The following ANO4 variants were observed in gnomAD, a reference collection of about 807,000 sequenced individuals.
ANO4 encodes anoctamin-4.
A neutral mutation model predicts 141.9 loss-of-function variants in ANO4; 69 were observed. The observed-to-expected ratio is 0.49, with a 90% CI of 0.40 to 0.59. ANO4 has a LOEUF of 0.59. ANO4 is among the 20% of genes least tolerant of loss of function. The probability of loss-of-function intolerance (pLI) is 0.00; values close to 1 mark genes in which losing one functional copy is unlikely to be tolerated. For missense variants in ANO4, 894 were observed against 1,162.2 expected, an observed-to-expected ratio of 0.77 and a Z score of 3.36; for synonymous variants, 350 against 394.3, an observed-to-expected ratio of 0.89 and a Z score of 1.33.
chr12:100,820,905 G>A (rs892141667), intron 1 of ANO4, among the ~76,000 whole-genome samples: 1 of 151,978 alleles, frequency 6.6e-6, no homozygotes, highest in Non-Finnish European at 1.5e-5. Flanking sequence ...TGCAAAGTCC[G>A]GTGATTTGCA....
intron 5 of ANO4, among the ~76,000 whole-genome samples, chr12:100,949,526 TTCA>T (rs1249325722): frequency 2.0e-5 from 3 of 152,212 alleles, no homozygotes; most frequent in Non-Finnish European, 4.4e-5. Flanking sequence ...TTTAGTAAAC[TTCA>T]TTATTATCAT....
chr12:100,728,914 C>T (rs1034927848), intron 1 of ANO4, among the ~76,000 whole-genome samples: 5 of 152,140 alleles, frequency 3.3e-5, no homozygotes, highest in Admixed American at 2.0e-4. Flanking sequence ...GCCACCACCT[C>T]GGTTAAGAAA....
At chr12:100,971,271 A>G in intron 5 of ANO4, 35 bp from the exon 6 acceptor site, 1 of 1,477,320 alleles carries the variant, frequency 6.8e-7, no homozygotes, top group Non-Finnish European at 9.4e-7. Flanking sequence ...AGCCTTGAAT[A>G]TACTTTTCAA....
At position 100,778,031 on chromosome 12, in the gene ANO4, T is replaced by G. The variant is rs533014132; in HGVS notation, c.358+37926T>G. ...GCCTCCCGGGTTCACACCATTCTCC[T>G]GCCTCAGCCTCCCGAGTAGCTGGGA... On this transcript the variant is annotated intron_variant, in intron 3 of 29. Coordinates refer to the ANO4 transcript ENST00000644049. Among the ~76,000 whole-genome samples, 544 of 151,900 alleles carry G rather than the reference T, an allele frequency of 3.6e-3. 3 individuals carry two copies. The highest frequency in any genetic ancestry group is 0.013 in the African/African-American group (521 of 41,410).
At chr12:100,757,724 C>G (rs1009075510) in intron 3 of ANO4, among the ~76,000 whole-genome samples, 2 of 152,180 alleles carry the variant, frequency 1.3e-5, no homozygotes, top group African/African-American at 2.4e-5. Flanking sequence ...GTTCTTTGTT[C>G]TTCTTTATAA....
At chr12:100,765,690 C>CA (rs749550498) in intron 3 of ANO4, among the ~76,000 whole-genome samples, 13,988 of 119,786 alleles carry the variant, frequency 0.12, 1,310 homozygotes, top group African/African-American at 0.28. Context: ...TTTATGTTTT[C>CA]AAAAAAAAAA....
At chr12:100,838,930 A>G (rs538698560) in intron 1 of ANO4, among the ~76,000 whole-genome samples, 25 of 152,182 alleles carry the variant, frequency 1.6e-4, no homozygotes, top group Non-Finnish European at 3.1e-4. Context: ...AGCAAGTCCA[A>G]TGGGCAGTAT....
At chr12:100,872,413 C>A (rs964935037) in intron 1 of ANO4, among the ~76,000 whole-genome samples, 1 of 152,052 alleles carries the variant, frequency 6.6e-6, no homozygotes, top group Non-Finnish European at 1.5e-5. Context: ...TATTTTCTGA[C>A]CAATTCTCAT....
In ANO4 at chr12:100,949,771, T is replaced by C. The variant is rs904870444; in HGVS notation, c.456+7236T>C. Reference sequence around the variant, plus strand: ...AATACATTTGGTAACAAGTTTAGCATGATCAAGGTTCAGATGTTTATCTGC... The same window carrying C: ...AATACATTTGGTAACAAGTTTAGCACGATCAAGGTTCAGATGTTTATCTGC... On this transcript the variant is annotated intron_variant, in intron 5 of 27. Coordinates refer to ENST00000392977, the MANE Select transcript of ANO4 (RefSeq NM_001286615.2). Among the ~76,000 whole-genome samples, 6 of 152,324 alleles carry C rather than the reference T, an allele frequency of 3.9e-5. No individual in the cohort carries two copies. The East Asian group carries it at 1.2e-3, about 29-fold the overall frequency.
intron 1 of ANO4, among the ~76,000 whole-genome samples, chr12:100,838,384 G>A (rs1233857626): frequency 6.6e-6 from 1 of 152,050 alleles, no homozygotes; most frequent in Non-Finnish European, 1.5e-5. Context: ...ATGATTCTAA[G>A]CTGACAATCA....
At chr12:100,811,752 A>G (rs990831703) in intron 1 of ANO4, among the ~76,000 whole-genome samples, 2 of 152,170 alleles carry the variant, frequency 1.3e-5, no homozygotes, top group African/African-American at 2.4e-5. Context: ...CATTGTAATT[A>G]GGTGGGTTCA....
At chr12:100,814,021 TA>T (rs1479762708) in intron 1 of ANO4, among the ~76,000 whole-genome samples, 3 of 152,156 alleles carry the variant, frequency 2.0e-5, no homozygotes, top group African/African-American at 7.2e-5. Context: ...CCTCAAGTGT[TA>T]GGTCAGCCTC....
chr12:100,941,890 A>G (rs771786613), intron 4 of ANO4, among the ~76,000 whole-genome samples: 6 of 151,418 alleles, frequency 4.0e-5, no homozygotes, highest in Non-Finnish European at 8.8e-5. Context: ...GCTTCTTCCA[A>G]TTTTTATTTT....
At chr12:100,913,184 G>A (rs1211798060) in intron 2 of ANO4, among the ~76,000 whole-genome samples, 1 of 152,042 alleles carries the variant, frequency 6.6e-6, no homozygotes, top group African/African-American at 2.4e-5. Context: ...TCTATAGGAT[G>A]CATTTAGAGG....
At chr12:100,891,642 TAAA>T (rs913416702) in intron 1 of ANO4, among the ~76,000 whole-genome samples, 3 of 152,166 alleles carry the variant, frequency 2.0e-5, no homozygotes, top group African/African-American at 7.2e-5. Flanking sequence ...AATTAACAAA[TAAA>T]AATTGTATAT....
chr12:101,009,679 G>A (rs1450334588), intron 8 of ANO4, among the ~76,000 whole-genome samples: 1 of 152,012 alleles, frequency 6.6e-6, no homozygotes, highest in Admixed American at 6.6e-5. Context: ...TAATATCATA[G>A]GAATGTATCT....
chr12:100,802,148 T>TTA (rs2034736901), intron 1 of ANO4, among the ~76,000 whole-genome samples: 1 of 152,202 alleles, frequency 6.6e-6, no homozygotes, highest in Non-Finnish European at 1.5e-5. Context: ...TAACAAACTG[T>TTA]CCAGGGTGTG....
chr12:101,120,521 T>C lies in ANO4; in HGVS notation c.2572T>C (p.Tyr858His), dbSNP rs2051042993. The change falls in exon 26 of 28, where the codon TAC (tyrosine) becomes CAC (histidine). Residue 858 changes from tyrosine (Y) to histidine (H), a missense_variant and splice_region_variant. Physicochemically the swap from Tyr to His is moderately conservative, Grantham distance 83. This residue lies in a region of ANO4 where 637 missense variants were observed against 909.2 expected (regional missense o/e 0.70). Coordinates refer to ENST00000392977, the MANE Select transcript of ANO4 (RefSeq NM_001286615.2). ...FSGTPLKYCR[Y>H]RDYRDPPHSL... Reference sequence around the variant, plus strand: ...CAACATTTTTCTGTGTCTTTATAGATACCGGGACTACCGTGACCCGCCTCA... The same window carrying C: ...CAACATTTTTCTGTGTCTTTATAGACACCGGGACTACCGTGACCCGCCTCA... The C allele has an allele frequency of 6.2e-7, 1 of 1,613,368 alleles. No individual in the cohort carries two copies. Among genetic ancestry groups the C allele is most frequent in the Non-Finnish European group, 8.5e-7 (1 of 1,179,354 alleles).
At chr12:100,993,863 A>G (rs1267310647) in intron 8 of ANO4, among the ~76,000 whole-genome samples, 2 of 152,198 alleles carry the variant, frequency 1.3e-5, no homozygotes, top group Non-Finnish European at 2.9e-5. Flanking sequence ...AAATAATCGC[A>G]GTCTGTCTGA....
Sources: allele counts gnomAD v4.1 joint callset (sites outside exome capture counted in the v4.1 genomes callset), GRCh38; gene constraint gnomAD v4.1.1; regional missense constraint gnomAD v4.1.1; transcripts MANE v1.5; gene names NCBI Gene and HGNC (gene_info 2026-07-23, HGNC 2026-07-21).